Variants in ELP2 observed in about 807,000 individuals in gnomAD.
ELP2 encodes elongator acetyltransferase complex subunit 2, also known as elongator complex protein 2.
Under a neutral mutation model 119.2 loss-of-function variants are expected in ELP2, and 90 were observed. The ratio of observed to expected loss-of-function variants is 0.75; its 90% CI spans 0.64 to 0.90. The LOEUF is 0.90. Ranked by LOEUF, ELP2 falls within the 40% of genes least tolerant of loss-of-function variation. The pLI, the probability that ELP2 is intolerant of heterozygous loss-of-function variation, is 0.00. For synonymous variants in ELP2, 339 were observed against 331.0 expected, an observed-to-expected ratio of 1.02 and a Z score of -0.26; for missense variants, 921 against 967.8, an observed-to-expected ratio of 0.95 and a Z score of 0.64.
Position 36,130,176 on chromosome 18 carries a change from C to T in ELP2, c.138+105C>T, listed in dbSNP as rs567981758. The T allele has an allele frequency of 1.9e-5, 28 of 1,494,412 alleles. No individual in the cohort carries two copies. In the South Asian group the frequency reaches 2.2e-4, roughly 12 times the overall value. The allele number at this position is 1,494,412 out of a possible 1,614,324, so 92.6% of individuals were successfully genotyped here. Reference sequence around the variant, plus strand: ...GCCGCCCCAGACCTAGGAGGCGAGTCGGGTCGGCTCAGGGGAGCGGGGTTT... The same window carrying T: ...GCCGCCCCAGACCTAGGAGGCGAGTTGGGTCGGCTCAGGGGAGCGGGGTTT... On this transcript the variant is annotated intron_variant, in intron 1 of 21. Transcript: ENST00000358232.
intron 1 of ELP2, 140 bp from the exon 2 acceptor site, chr18:36,133,098 T>C (rs1340735994): frequency 3.0e-6 from 2 of 675,114 alleles, no homozygotes; most frequent in African/African-American, 1.8e-5. Context: ...TAAAAGTTTA[T>C]AGATTGAAGA....
intron 17 of ELP2, among the ~76,000 whole-genome samples, chr18:36,162,070 A>G (rs755979409): frequency 3.3e-5 from 5 of 152,160 alleles, no homozygotes; most frequent in African/African-American, 4.8e-5. Flanking sequence ...TTAACATACT[A>G]TAAATGGTAT....
At position 36,158,878 on chromosome 18, in the gene ELP2, G is replaced by A; in HGVS notation, c.1508G>A (p.Gly503Glu). The A allele has an allele frequency of 6.2e-7, 1 of 1,612,088 alleles. No homozygotes were observed. The highest frequency in any genetic ancestry group is 8.5e-7 in the Non-Finnish European group (1 of 1,178,252). Residue 503 changes from glycine (G) to glutamate (E), a missense_variant, in exon 14 of 22, where the codon GGA (glycine) becomes GAA (glutamate). Physicochemically the swap from Gly to Glu is moderately conservative, Grantham distance 98 (BLOSUM62 -2). Coordinates refer to ENST00000358232, the MANE Select transcript of ELP2 (RefSeq NM_018255.4). ...GAAGGAGCCACTGTCCCTGCATTGG[G>A]ATTATCAAATAAAGCTGTCTTTCAG... Reference protein sequence around the residue: ...LPEGATVPALGLSNKAVFQGD... With the variant: ...LPEGATVPALELSNKAVFQGD...
intron 5 of ELP2, among the ~76,000 whole-genome samples, chr18:36,140,571 T>G (rs1290706988): frequency 6.6e-6 from 1 of 152,044 alleles, no homozygotes; most frequent in African/African-American, 2.4e-5. Flanking sequence ...GGTCTCAAAT[T>G]CCTGACCTCA....
At chr18:36,144,206 C>T (rs1416527643) in intron 8 of ELP2, among the ~76,000 whole-genome samples, 1 of 151,828 alleles carries the variant, frequency 6.6e-6, no homozygotes, top group Non-Finnish European at 1.5e-5. Context: ...TTAGGAGTAG[C>T]TATACCCAAA....
In ELP2 at chr18:36,156,593, G is replaced by A. The variant is rs779358763; in HGVS notation, c.1403G>A (p.Arg468Gln). 2.3e-5 allele frequency: 37 copies of A among 1,613,924 alleles called. No individual in the cohort carries two copies. Among genetic ancestry groups the A allele is most frequent in the South Asian group, 3.3e-5 (3 of 91,084 alleles). Reference sequence around the variant, plus strand: ...GTTCTTCGGGTTTTTTCTGCACCTCGGAATTTTGTGGAAAATTTTTGTGCC... The same window carrying A: ...GTTCTTCGGGTTTTTTCTGCACCTCAGAATTTTGTGGAAAATTTTTGTGCC... ...EKVLRVFSAP[R>Q]NFVENFCAIT... Residue 468 changes from arginine to glutamine, a missense_variant, in exon 13 of 22, where the codon CGG becomes CAG. Transcript: ENST00000358232.
chr18:36,131,028 G>T (rs2089599650), intron 1 of ELP2, among the ~76,000 whole-genome samples: 1 of 151,938 alleles, frequency 6.6e-6, no homozygotes, highest in Non-Finnish European at 1.5e-5. Flanking sequence ...AAAAAAAATA[G>T]CTGGTTGTGG....
intron 18 of ELP2, among the ~76,000 whole-genome samples, chr18:36,166,237 A>G (rs1422637113): frequency 1.3e-5 from 2 of 149,800 alleles, no homozygotes; most frequent in Non-Finnish European, 2.9e-5. Flanking sequence ...TTAATTTGTT[A>G]TATCTTTATG....
In ELP2 at chr18:36,133,863, G is replaced by C. The variant is rs145236564; in HGVS notation, c.217+547G>C. 7.1e-3 allele frequency among the ~76,000 whole-genome samples: 1,003 copies of C among 142,106 alleles called. 4 individuals are homozygous for C. Among genetic ancestry groups the C allele is most frequent in the Middle Eastern group, 0.026 (7 of 270 alleles). The allele number at this position is 142,106 out of a possible 152,430, so 93.2% of individuals were successfully genotyped here. A position where few individuals can be genotyped will look rare whatever the true frequency, so the allele number is the denominator to read the frequency against. ...TTCTCTGCAATAGCTGGGACCACAA[G>C]TGTGTGGCACCACGCCTTTCTAGTT... On this transcript the variant is annotated intron_variant, in intron 2 of 21. Coordinates refer to ENST00000358232, the MANE Select transcript of ELP2 (RefSeq NM_018255.4).
At chr18:36,149,543 A>AG (rs1384167195) in intron 11 of ELP2, among the ~76,000 whole-genome samples, 8 of 115,794 alleles carry the variant, frequency 6.9e-5, no homozygotes, top group African/African-American at 2.3e-4. Context: ...TTGTTGTTGC[A>AG]GGCCTGGTCC....
rs139343265 is a variant in ELP2 at position 36,159,772 on chromosome 18, G to C, written c.1572G>C (p.Leu524=). 10,001 of 1,613,942 alleles carry C rather than the reference G, an allele frequency of 6.2e-3. 47 individuals are homozygous for C. The highest frequency in any genetic ancestry group is 7.3e-3 in the Non-Finnish European group (8,619 of 1,179,874). ...CTCAGCCTTCTGATGAAGAGGAGCTGTTAACTAGTACTGGTTTTGAGTATC... is the reference window on the plus strand; with the variant it reads ...CTCAGCCTTCTGATGAAGAGGAGCTCTTAACTAGTACTGGTTTTGAGTATC... ...IASQPSDEEE[L]LTSTGFEYQQ... The change falls in exon 15 of 22, where the codon CTG becomes CTC. Residue 524 remains leucine (L), a synonymous_variant. Transcript: ENST00000358232.
At chr18:36,150,428 A>G (rs1041697957) in intron 11 of ELP2, among the ~76,000 whole-genome samples, 6 of 152,296 alleles carry the variant, frequency 3.9e-5, no homozygotes, top group African/African-American at 9.6e-5. Context: ...TGCCATCCCC[A>G]TTAGAATGTT....
At chr18:36,156,763 A>G in intron 13 of ELP2, 109 bp downstream of exon 13, 5 of 1,011,180 alleles carry the variant, frequency 4.9e-6, no homozygotes, top group Admixed American at 2.2e-5. Context: ...AGAAAGTAAT[A>G]TTGTTTCTTA....
At chr18:36,163,298 G>GTGTA (rs1295150196) in intron 17 of ELP2, among the ~76,000 whole-genome samples, 2 of 151,590 alleles carry the variant, frequency 1.3e-5, no homozygotes, top group East Asian at 1.9e-4. Flanking sequence ...GTGTGTGTGT[G>GTGTA]TATACACCAC....
chr18:36,132,019 TC>T (rs1400909829), intron 1 of ELP2, among the ~76,000 whole-genome samples: 1 of 143,696 alleles, frequency 7.0e-6, no homozygotes, highest in Non-Finnish European at 1.5e-5. Flanking sequence ...CAAGTGATTC[TC>T]GTGCCTCAGC....
intron 12 of ELP2, among the ~76,000 whole-genome samples, chr18:36,155,275 C>CCCT (rs1491501652): frequency 1.7e-5 from 2 of 116,544 alleles, no homozygotes; most frequent in African/African-American, 6.1e-5. Context: ...CCCCCCCCCC[C>CCCT]GCCTCCCAAA....
chr18:36,147,449 T>A (rs2090244359), intron 11 of ELP2, among the ~76,000 whole-genome samples: 1 of 151,940 alleles, frequency 6.6e-6, no homozygotes, highest in African/African-American at 2.4e-5. Context: ...AGTTTTGCTC[T>A]TTTGGCCCAG....
At chr18:36,147,284 C>T (rs1437844520) in intron 11 of ELP2, among the ~76,000 whole-genome samples, 2 of 152,084 alleles carry the variant, frequency 1.3e-5, no homozygotes, top group South Asian at 2.1e-4. Flanking sequence ...GCTTTGTTGC[C>T]CTGCCTAGTC....
rs752125164 is a variant in ELP2 at position 36,145,948 on chromosome 18, A to C, written c.893A>C (p.Asp298Ala). 7 of 1,611,632 alleles carry C rather than the reference A, an allele frequency of 4.3e-6. No individual in the cohort carries two copies. The South Asian group carries it at 7.7e-5, about 18-fold the overall frequency. ...AAAGGGATTAGGTTTTATTTTTTAGATGGTGTCCTACAGCAGCCAGTGAGA... is the reference window on the plus strand; with the variant it reads ...AAAGGGATTAGGTTTTATTTTTTAGCTGGTGTCCTACAGCAGCCAGTGAGA... ...AVHWQPVFYK[D>A]GVLQQPVRLL... Residue 298 changes from aspartate (D) to alanine (A), a missense_variant and splice_region_variant, in exon 10 of 22, where the codon GAT becomes GCT. Physicochemically the swap from Asp to Ala is moderately radical, Grantham distance 126. Coordinates refer to ENST00000358232, the MANE Select transcript of ELP2 (RefSeq NM_018255.4).
Sources: gnomAD v4.1 joint callset for allele counts (sites outside exome capture counted in the v4.1 genomes callset) on GRCh38, gnomAD v4.1.1 for gene constraint, MANE v1.5 for transcripts, NCBI Gene and HGNC (gene_info 2026-07-23, HGNC 2026-07-21) for gene names.